The following SCMH1 variants were observed in gnomAD, a reference collection of about 807,000 sequenced individuals.
SCMH1 encodes Scm polycomb group protein homolog 1, also known as polycomb protein SCMH1.
Under a neutral mutation model 70.8 loss-of-function variants are expected in SCMH1, and 37 were observed. The ratio of observed to expected loss-of-function variants is 0.52; its 90% CI spans 0.40 to 0.69. SCMH1 has a LOEUF of 0.69. SCMH1 is among the 30% of genes least tolerant of loss of function. The pLI is 0.00. For missense variants in SCMH1, 607 were observed against 827.3 expected (o/e 0.73, Z 3.27); for synonymous variants, 292 against 307.4 (o/e 0.95, Z 0.52).
intron 10 of SCMH1, among the ~76,000 whole-genome samples, chr1:41,067,803 G>A (rs78234046): frequency 0.078 from 11,897 of 152,212 alleles, 602 homozygotes; most frequent in South Asian, 0.13. Context: ...CTATGGACAT[G>A]GGTGATAATA....
intron 1 of SCMH1, among the ~76,000 whole-genome samples, chr1:41,210,827 T>A (rs1406710663): frequency 1.7e-4 from 26 of 151,706 alleles, no homozygotes; most frequent in Non-Finnish European, 3.5e-4. Context: ...TTTTTTTTTT[T>A]AAGATGGAGT....
intron 8 of SCMH1, among the ~76,000 whole-genome samples, chr1:41,082,926 T>C (rs914981807): frequency 1.1e-4 from 17 of 152,062 alleles, no homozygotes; most frequent in Admixed American, 5.2e-4. Context: ...ATTCAACAAC[T>C]CTTCATGCTA....
At chr1:41,150,741 C>T (rs2148322732) in intron 5 of SCMH1, among the ~76,000 whole-genome samples, 1 of 151,658 alleles carries the variant, frequency 6.6e-6, no homozygotes, top group Admixed American at 6.6e-5. Flanking sequence ...TCGAGACCAT[C>T]CTGGCTAACA....
At chr1:41,090,097 T>G (rs1662972247) in intron 8 of SCMH1, among the ~76,000 whole-genome samples, 1 of 151,954 alleles carries the variant, frequency 6.6e-6, no homozygotes, top group South Asian at 2.1e-4. Context: ...TGGCCAATAT[T>G]GTCCTTTTTG....
chr1:41,241,525 CCTCTGT>C lies in SCMH1; in HGVS notation c.-118+528_-118+533del, dbSNP rs537017339. ...GGTGGGGGCCACGCCGCCCCGTCGA[CCTCTGT>C]CTCTGCCTTCCCCGAACCGGGACCC... On this transcript the variant is annotated intron_variant, in intron 1 of 14. Transcript: ENST00000337495. Among the ~76,000 whole-genome samples, 67 of 152,272 alleles carry C rather than the reference CCTCTGT, an allele frequency of 4.4e-4. No homozygotes were observed. In the East Asian group the frequency reaches 7.2e-3, roughly 16 times the overall value.
rs1461354064 is a variant in SCMH1 at position 41,095,799 on chromosome 1, TTAAG to T, written c.745+17480_745+17483del. On this transcript the variant is annotated intron_variant, in intron 8 of 14. Transcript: ENST00000337495. The stretch of plus-strand genomic sequence containing the variant: ...CGTTCCTTGGCATTGAGAAAAATGC[TTAAG>T]TAAGTTTATCATATCATTATTAAAA... Among the ~76,000 whole-genome samples, 6 of 152,302 alleles carry T rather than the reference TTAAG, an allele frequency of 3.9e-5. No homozygotes were observed. The East Asian group carries it at 9.7e-4, about 25-fold the overall frequency.
At chr1:41,191,120 C>T (rs533868996) in intron 1 of SCMH1, among the ~76,000 whole-genome samples, 1 of 152,330 alleles carries the variant, frequency 6.6e-6, no homozygotes, top group East Asian at 1.9e-4. Flanking sequence ...AGCAATCCTC[C>T]TGTCTTGGCC....
chr1:41,199,158 CTTA>C (rs1249152269), intron 1 of SCMH1, among the ~76,000 whole-genome samples: 3 of 152,098 alleles, frequency 2.0e-5, no homozygotes, highest in Non-Finnish European at 4.4e-5. Context: ...TTAAAAATAA[CTTA>C]TTATTAAACT....
chr1:41,152,248 T>C (rs909195016), intron 4 of SCMH1, among the ~76,000 whole-genome samples: 1 of 152,146 alleles, frequency 6.6e-6, no homozygotes, highest in Non-Finnish European at 1.5e-5. Flanking sequence ...CTCTCTCACC[T>C]ACCCCCGCTG....
intron 8 of SCMH1, among the ~76,000 whole-genome samples, chr1:41,085,580 T>C (rs1023503228): frequency 2.0e-5 from 3 of 152,166 alleles, no homozygotes; most frequent in Non-Finnish European, 4.4e-5. Flanking sequence ...TAAAACAATC[T>C]GTATTTGTAG....
intron 11 of SCMH1, among the ~76,000 whole-genome samples, chr1:41,048,316 A>G (rs908173418): frequency 3.3e-5 from 5 of 152,188 alleles, no homozygotes; most frequent in African/African-American, 1.2e-4. Flanking sequence ...AATCAAAGGA[A>G]TGATAGAGGA....
chr1:41,138,927 A>C (rs1412236916), intron 6 of SCMH1, among the ~76,000 whole-genome samples: 2 of 152,334 alleles, frequency 1.3e-5, no homozygotes, highest in Admixed American at 6.5e-5. Flanking sequence ...CAGACCAGCA[A>C]AAAAACAAAA....
exon 12 of SCMH1, chr1:41,046,455 A>G: frequency 6.2e-7 from 1 of 1,614,208 alleles, no homozygotes. Context: ...GCAGTGAGTG[A>G]CAAGTGAGTC....
intron 1 of SCMH1, among the ~76,000 whole-genome samples, chr1:41,207,574 T>A (rs1655862555): frequency 6.6e-6 from 1 of 152,092 alleles, no homozygotes; most frequent in Non-Finnish European, 1.5e-5. Context: ...AGACTTAGAC[T>A]CCCATACAAT....
chr1:41,153,257 T>C (rs557596706), intron 4 of SCMH1, among the ~76,000 whole-genome samples: 2 of 152,338 alleles, frequency 1.3e-5, no homozygotes, highest in East Asian at 3.9e-4. Flanking sequence ...GTATCTGTGC[T>C]AGCCAATAAG....
chr1:41,108,120 T>C (rs987526446), intron 8 of SCMH1, among the ~76,000 whole-genome samples: 1 of 152,150 alleles, frequency 6.6e-6, no homozygotes, highest in Non-Finnish European at 1.5e-5. Context: ...GGAGGCCTGG[T>C]TGACCATGTA....
At chr1:41,152,630 G>A (rs1218285754) in intron 4 of SCMH1, 1 of 1,614,150 alleles carries the variant, frequency 6.2e-7, no homozygotes, top group Non-Finnish European at 8.5e-7. Flanking sequence ...AGCAGGGAAG[G>A]TCCCAGAGAA....
At chr1:41,151,662 G>A in exon 5 of SCMH1, 1 of 1,611,904 alleles carries the variant, frequency 6.2e-7, no homozygotes, top group Admixed American at 1.7e-5. Flanking sequence ...TTTCTTTTAG[G>A]TATTTGTCCC....
chr1:41,161,319 C>A, intron 3 of SCMH1, 45 bp downstream of exon 3: 1 of 1,546,566 alleles, frequency 6.5e-7, no homozygotes, highest in Non-Finnish European at 8.7e-7. Flanking sequence ...GGAAAAGATG[C>A]CGAGTAAAAT....
Sources: allele counts gnomAD v4.1 joint callset (sites outside exome capture counted in the v4.1 genomes callset), GRCh38; gene constraint gnomAD v4.1.1; transcripts MANE v1.5; gene names NCBI Gene and HGNC (gene_info 2026-07-23, HGNC 2026-07-21).